PPFIA2: variants seen among roughly 807,000 people sequenced by gnomAD.
PPFIA2 encodes the protein liprin-alpha-2.
A neutral mutation model predicts 175.5 loss-of-function variants in PPFIA2; 46 were observed. The ratio of observed to expected loss-of-function variants is 0.26; its 90% confidence interval spans 0.21 to 0.34. PPFIA2 has a LOEUF of 0.34. PPFIA2 is among the 10% of genes least tolerant of loss of function. The pLI is 1.00. For missense variants in PPFIA2, 1,179 were observed against 1,506.1 expected (o/e 0.78, Z 3.60); for synonymous variants, 568 against 511.4 (o/e 1.11, Z -1.49).
intron 4 of PPFIA2, among the ~76,000 whole-genome samples, chr12:81,547,103 C>T (rs1021396720): frequency 4.6e-5 from 7 of 151,992 alleles, no homozygotes; most frequent in African/African-American, 1.7e-4. Context: ...ATTATTTGCC[C>T]GTGACAAACT....
chr12:81,652,959 A>G (rs2067238963), intron 4 of PPFIA2, among the ~76,000 whole-genome samples: 1 of 152,008 alleles, frequency 6.6e-6, no homozygotes, highest in African/African-American at 2.4e-5. Flanking sequence ...AGCCATCTTT[A>G]ATTTTCCTCA....
intron 7 of PPFIA2, among the ~76,000 whole-genome samples, chr12:81,425,679 A>G (rs1157475492): frequency 6.6e-6 from 1 of 152,074 alleles, no homozygotes; most frequent in Non-Finnish European, 1.5e-5. Context: ...CAGCCCCTAC[A>G]GTATTATTTA....
At chr12:81,362,005 G>GTATC (rs5799523) in intron 15 of PPFIA2, among the ~76,000 whole-genome samples, 5,522 of 147,548 alleles carry the variant, frequency 0.037, 104 homozygotes, top group Middle Eastern at 0.064. Context: ...ATGTATCTAT[G>GTATC]TATCTATCTA....
At chr12:81,731,607 A>G (rs1189057718) in intron 3 of PPFIA2, among the ~76,000 whole-genome samples, 1 of 151,674 alleles carries the variant, frequency 6.6e-6, no homozygotes, top group African/African-American at 2.4e-5. Flanking sequence ...TAAGGTTGAA[A>G]TAGTATTAAA....
At chr12:81,588,097 C>T (rs1227830391) in intron 4 of PPFIA2, among the ~76,000 whole-genome samples, 1 of 151,708 alleles carries the variant, frequency 6.6e-6, no homozygotes, top group Non-Finnish European at 1.5e-5. Flanking sequence ...TAATGCAATA[C>T]ACATATCTTT....
chr12:81,531,858 T>C (rs2064618371), intron 4 of PPFIA2, among the ~76,000 whole-genome samples: 1 of 151,640 alleles, frequency 6.6e-6, no homozygotes, highest in Non-Finnish European at 1.5e-5. Context: ...TGGTAAGAAA[T>C]AATGAGGACA....
At chr12:81,507,332 T>C (rs1208226144) in intron 4 of PPFIA2, among the ~76,000 whole-genome samples, 1 of 152,208 alleles carries the variant, frequency 6.6e-6, no homozygotes, top group Non-Finnish European at 1.5e-5. Context: ...AAATCTCCCA[T>C]TTCTTCCATA....
In PPFIA2 at chr12:81,377,686, G is replaced by A. The variant is rs1249077918; in HGVS notation, c.985-1744C>T. ...TTTATTCTCCTTACTTTTCCTCCACGCTGCTGCCTGAGAGATATTTCTAAA... is the reference window on the plus strand; with the variant it reads ...TTTATTCTCCTTACTTTTCCTCCACACTGCTGCCTGAGAGATATTTCTAAA... On this transcript the variant is annotated intron_variant, in intron 9 of 32. Transcript: ENST00000549396. Among the ~76,000 whole-genome samples the A allele has an allele frequency of 3.3e-5, 5 of 151,996 alleles. No homozygotes were observed. The East Asian group carries it at 5.8e-4, about 18-fold the overall frequency.
At chr12:81,301,912 G>GTAT (rs562800053) in intron 22 of PPFIA2, among the ~76,000 whole-genome samples, 227 of 152,142 alleles carry the variant, frequency 1.5e-3, no homozygotes, top group Non-Finnish European at 2.5e-3. Flanking sequence ...TTTCTCCAAG[G>GTAT]TATTGCCCTT....
chr12:81,412,437 T>C (rs192183282), intron 7 of PPFIA2, among the ~76,000 whole-genome samples: 2 of 151,950 alleles, frequency 1.3e-5, no homozygotes, highest in South Asian at 2.1e-4. Flanking sequence ...AAGTACATTA[T>C]ATAAATTTGC....
chr12:81,738,302 T>C (rs2081894436), intron 3 of PPFIA2, among the ~76,000 whole-genome samples: 1 of 151,864 alleles, frequency 6.6e-6, no homozygotes, highest in Non-Finnish European at 1.5e-5. Context: ...AGATATTTTC[T>C]GAAAAACTTA....
At chr12:81,284,194 C>T (rs2042743105) in intron 25 of PPFIA2, 47 bp downstream of exon 25, 1 of 1,412,188 alleles carries the variant, frequency 7.1e-7, no homozygotes, top group African/African-American at 1.4e-5. Context: ...ATCCAAAGAG[C>T]AGCAAAGTCA....
intron 24 of PPFIA2, 136 bp from the exon 25 acceptor site, chr12:81,284,439 G>C (rs932200308): frequency 1.6e-6 from 1 of 638,662 alleles, no homozygotes; most frequent in African/African-American, 1.8e-5. Context: ...GTGCATGAAA[G>C]AGACAGCATG....
intron 4 of PPFIA2, chr12:81,545,246 A>G (rs1033799023): frequency 2.6e-5 from 4 of 152,234 alleles, no homozygotes; most frequent in African/African-American, 4.8e-5. Context: ...AATTGTTAAC[A>G]GGATGCACTT....
intron 4 of PPFIA2, among the ~76,000 whole-genome samples, chr12:81,605,763 C>T (rs1356459270): frequency 6.6e-6 from 1 of 151,624 alleles, no homozygotes; most frequent in African/African-American, 2.4e-5. Flanking sequence ...AGTATCCATA[C>T]CCTTAGCTTT....
At chr12:81,597,422 G>T (rs766346225) in intron 4 of PPFIA2, among the ~76,000 whole-genome samples, 1 of 151,976 alleles carries the variant, frequency 6.6e-6, no homozygotes, top group Non-Finnish European at 1.5e-5. Flanking sequence ...AAATTGGAAA[G>T]CATACTAAAC....
intron 3 of PPFIA2, among the ~76,000 whole-genome samples, chr12:81,710,331 C>T (rs1319282066): frequency 1.3e-5 from 2 of 151,774 alleles, no homozygotes; most frequent in Non-Finnish European, 2.9e-5. Flanking sequence ...TACACACACA[C>T]AATGTACATC....
At chr12:81,589,895 A>C (rs1356094685) in intron 4 of PPFIA2, among the ~76,000 whole-genome samples, 1 of 150,882 alleles carries the variant, frequency 6.6e-6, no homozygotes. Context: ...CAGCAAATCC[A>C]AGCTTTTTTT....
chr12:81,443,851 T>C (rs1185972555), intron 6 of PPFIA2, among the ~76,000 whole-genome samples: 3 of 122,712 alleles, frequency 2.4e-5, no homozygotes, highest in African/African-American at 6.1e-5. Context: ...CTTTCTTTTT[T>C]TTTTTTTTTT....
Sources: allele counts gnomAD v4.1 joint callset (sites outside exome capture counted in the v4.1 genomes callset), GRCh38; gene constraint gnomAD v4.1.1; transcripts MANE v1.5; gene names NCBI Gene and HGNC (gene_info 2026-07-23, HGNC 2026-07-21).